XYLT1: variants seen among roughly 807,000 people sequenced by gnomAD.
The protein encoded by XYLT1 is xylosyltransferase 1.
A neutral mutation model predicts 91.3 loss-of-function variants in XYLT1; 36 were observed. That is an observed-to-expected ratio of 0.39 (90% CI 0.30 to 0.52). XYLT1 has a LOEUF of 0.52. XYLT1 is among the 20% of genes least tolerant of loss of function. XYLT1 has a pLI of 0.68. For synonymous variants in XYLT1, 588 were observed against 532.0 expected (o/e 1.11, Z -1.45); for missense variants, 1,242 against 1,284.5 (o/e 0.97, Z 0.51).
At chr16:17,183,737 T>C (rs1348810305) in intron 5 of XYLT1, among the ~76,000 whole-genome samples, 2 of 152,170 alleles carry the variant, frequency 1.3e-5, no homozygotes, top group African/African-American at 4.8e-5. Flanking sequence ...TTAAAAGGCT[T>C]TCCCAGGCAT....
intron 2 of XYLT1, among the ~76,000 whole-genome samples, chr16:17,330,919 G>A (rs992218459): frequency 6.6e-6 from 1 of 152,190 alleles, no homozygotes; most frequent in Non-Finnish European, 1.5e-5. Context: ...AGGGACTGCT[G>A]CCCTTGAATT....
rs150398238 is a variant in XYLT1, at chr16:17,191,236, G to A, written c.1289+6976C>T. On this transcript the variant is annotated intron_variant, in intron 5 of 11. Transcript: ENST00000261381. ...ACTTAGAATAATGCTAGGAATGTACGAAGTGCTACATATACATTTGCTGTG... is the reference window on the plus strand; with the variant it reads ...ACTTAGAATAATGCTAGGAATGTACAAAGTGCTACATATACATTTGCTGTG... 8.1e-4 allele frequency among the ~76,000 whole-genome samples: 124 copies of A among 152,296 alleles called. 1 individual carries two copies. Among genetic ancestry groups the A allele is most frequent in the Admixed American group, 2.5e-3 (38 of 15,300 alleles).
rs1452648760 is a variant in XYLT1 at position 17,318,324 on chromosome 16, C to CTAGACTTCCAAAGAGCTGAA, written c.402+39687_402+39688insTTCAGCTCTTTGGAAGTCTA. Among the ~76,000 whole-genome samples, 8 of 152,370 alleles carry CTAGACTTCCAAAGAGCTGAA rather than the reference C, an allele frequency of 5.3e-5. No homozygotes were observed. The East Asian group carries it at 7.7e-4, about 15-fold the overall frequency. ...ACAGGACACTCTGCTGAATCAGCAG[C>CTAGACTTCCAAAGAGCTGAA]TCCTGTTCAAACAGCTAGACTTCCA... On this transcript the variant is annotated intron_variant, in intron 2 of 11. Transcript: ENST00000261381.
At chr16:17,409,676 A>T (rs1243947758) in intron 1 of XYLT1, among the ~76,000 whole-genome samples, 1 of 150,828 alleles carries the variant, frequency 6.6e-6, no homozygotes, top group Non-Finnish European at 1.5e-5. Context: ...CAACCTCCCG[A>T]GTAGCTGGGA....
At chr16:17,358,365 T>C (rs956907304) in intron 1 of XYLT1, among the ~76,000 whole-genome samples, 21 of 152,070 alleles carry the variant, frequency 1.4e-4, no homozygotes, top group Non-Finnish European at 2.8e-4. Context: ...TCCAACACTT[T>C]GGCCTCAATG....
chr16:17,166,927 A>G (rs962111896), intron 5 of XYLT1, among the ~76,000 whole-genome samples: 4 of 152,156 alleles, frequency 2.6e-5, no homozygotes, highest in South Asian at 4.1e-4. Flanking sequence ...GGAATCCCAG[A>G]GTCAGGGTAC....
chr16:17,244,816 G>A (rs1422951897), intron 3 of XYLT1, among the ~76,000 whole-genome samples: 2 of 152,208 alleles, frequency 1.3e-5, no homozygotes, highest in Non-Finnish European at 2.9e-5. Context: ...CATACCCAGA[G>A]TTATATGGTC....
chr16:17,150,376 G>A (rs1432706764), intron 6 of XYLT1, among the ~76,000 whole-genome samples: 4 of 152,158 alleles, frequency 2.6e-5, no homozygotes, highest in Admixed American at 6.5e-5. Context: ...GAGCACCTTC[G>A]ATATTCCAGG....
At chr16:17,256,648 C>CGG (rs1555491469) in intron 3 of XYLT1, among the ~76,000 whole-genome samples, 2 of 125,364 alleles carry the variant, frequency 1.6e-5, no homozygotes, top group African/African-American at 7.2e-5. Flanking sequence ...GACTCCGTCT[C>CGG]GAAAAAAAAA....
At chr16:17,307,043 A>G (rs2034480762) in intron 2 of XYLT1, among the ~76,000 whole-genome samples, 3 of 152,108 alleles carry the variant, frequency 2.0e-5, no homozygotes, top group African/African-American at 7.2e-5. Context: ...AGAATCTGGT[A>G]GTTATATGAG....
At chr16:17,277,246 T>C (rs2033990656) in intron 2 of XYLT1, among the ~76,000 whole-genome samples, 1 of 152,306 alleles carries the variant, frequency 6.6e-6, no homozygotes, top group African/African-American at 2.4e-5. Context: ...GGGATCCCTG[T>C]GCAGGTTAGT....
chr16:17,306,636 GCAGA>G (rs933794252), intron 2 of XYLT1, among the ~76,000 whole-genome samples: 2 of 151,802 alleles, frequency 1.3e-5, no homozygotes, highest in Non-Finnish European at 2.9e-5. Context: ...ACTTTATGCA[GCAGA>G]CAGACTTCCA....
At chr16:17,122,644 C>T (rs995292023) in intron 10 of XYLT1, among the ~76,000 whole-genome samples, 5 of 152,326 alleles carry the variant, frequency 3.3e-5, no homozygotes, top group Admixed American at 2.0e-4. Context: ...GGTTCTTGGT[C>T]ATTAAGTCTT....
At chr16:17,178,731 A>T (rs2032000424) in intron 5 of XYLT1, among the ~76,000 whole-genome samples, 1 of 152,204 alleles carries the variant, frequency 6.6e-6, no homozygotes, top group Non-Finnish European at 1.5e-5. Context: ...TGAGAGACAT[A>T]TATGTACCAC....
chr16:17,413,105 T>A (rs1011759235), intron 1 of XYLT1, among the ~76,000 whole-genome samples: 3 of 152,226 alleles, frequency 2.0e-5, no homozygotes, highest in Non-Finnish European at 4.4e-5. Flanking sequence ...GTGCCCAGGC[T>A]GGTGCCTGAC....
At chr16:17,270,351 C>T (rs2033870945) in intron 2 of XYLT1, among the ~76,000 whole-genome samples, 1 of 152,216 alleles carries the variant, frequency 6.6e-6, no homozygotes, top group African/African-American at 2.4e-5. Flanking sequence ...GTGCTCAGAG[C>T]CCAGCCCCTG....
At chr16:17,272,153 G>GTTT (rs35561235) in intron 2 of XYLT1, among the ~76,000 whole-genome samples, 13 of 80,316 alleles carry the variant, frequency 1.6e-4, no homozygotes, top group Admixed American at 3.0e-4. Context: ...TTTGTTGTTG[G>GTTT]TTTTTTTTTT....
At chr16:17,391,225 T>C (rs1453365773) in intron 1 of XYLT1, among the ~76,000 whole-genome samples, 1 of 152,132 alleles carries the variant, frequency 6.6e-6, no homozygotes, top group East Asian at 1.9e-4. Flanking sequence ...TTTCTTTTAT[T>C]TAACACTTGA....
intron 6 of XYLT1, among the ~76,000 whole-genome samples, chr16:17,155,965 G>A (rs569470296): frequency 6.6e-6 from 1 of 152,124 alleles, no homozygotes; most frequent in Non-Finnish European, 1.5e-5. Flanking sequence ...CAACAATTTA[G>A]TTCTATGCTT....
Sources: allele counts gnomAD v4.1 joint callset (sites outside exome capture counted in the v4.1 genomes callset), GRCh38; gene constraint gnomAD v4.1.1; transcripts MANE v1.5; gene names NCBI Gene and HGNC (gene_info 2026-07-23, HGNC 2026-07-21).